TNFAIP1: variants seen among roughly 807,000 people sequenced by gnomAD.
TNFAIP1 encodes TNF alpha induced protein 1, also known as BTB/POZ domain-containing adapter for CUL3-mediated RhoA degradation protein 2.
Under a neutral mutation model 32.6 loss-of-function variants are expected in TNFAIP1, and 20 were observed. That is an observed-to-expected ratio of 0.61 (90% CI 0.43 to 0.89). TNFAIP1 has a LOEUF of 0.89. Ranked by LOEUF, TNFAIP1 falls within the 40% of genes least tolerant of loss-of-function variation. TNFAIP1 has a pLI of 0.00. For missense variants in TNFAIP1, 319 were observed against 425.1 expected (o/e 0.75, Z 2.20); for synonymous variants, 166 against 166.8 (o/e 1.00, Z 0.04).
Position 28,339,447 on chromosome 17 carries a change from C to T in TNFAIP1, c.-75C>T. 7.0e-7 allele frequency: 1 copy of T among 1,438,070 alleles called. No homozygotes were observed. The highest frequency in any genetic ancestry group is 1.4e-5 in the South Asian group (1 of 72,252). The allele number at this position is 1,438,070 out of a possible 1,614,324, so 89.1% of individuals were successfully genotyped here. A position where few individuals can be genotyped will look rare whatever the true frequency, so the allele number is the denominator to read the frequency against. On this transcript the variant is annotated 5_prime_UTR_variant, in exon 2 of 7. Transcript: ENST00000226225. Reference sequence around the variant, plus strand: ...GGCTCTGGCCTCCACTGGCCACTCACTCGTGACCCTTTCCACCACGGCGGA... The same window carrying T: ...GGCTCTGGCCTCCACTGGCCACTCATTCGTGACCCTTTCCACCACGGCGGA...
At chr17:28,341,542 T>G in intron 5 of TNFAIP1, 86 bp downstream of exon 5, 1 of 1,486,706 alleles carries the variant, frequency 6.7e-7, no homozygotes, top group Non-Finnish European at 9.3e-7. Context: ...GGCGTGGGTC[T>G]GGGCCTGGGT....
intron 3 of TNFAIP1, among the ~76,000 whole-genome samples, 186 bp from the exon 4 acceptor site, chr17:28,341,051 T>G (rs1907345207): frequency 1.3e-5 from 2 of 152,126 alleles, no homozygotes. Context: ...GGCCTGGATC[T>G]TGGGTTTTCT....
At chr17:28,343,673 C>A (rs1597795486) in intron 6 of TNFAIP1, among the ~76,000 whole-genome samples, 2 of 151,942 alleles carry the variant, frequency 1.3e-5, no homozygotes, top group East Asian at 3.9e-4. Context: ...TGTTGTCTTT[C>A]ATGAACTCGT....
chr17:28,341,816 C>T (rs1907372062), intron 5 of TNFAIP1, among the ~76,000 whole-genome samples: 1 of 152,200 alleles, frequency 6.6e-6, no homozygotes, highest in Admixed American at 6.5e-5. Flanking sequence ...TCCCTCCCCA[C>T]ACCCTCCAGG....
intron 1 of TNFAIP1, chr17:28,336,454 G>T (rs1907161635): frequency 6.6e-6 from 1 of 152,200 alleles, no homozygotes; most frequent in African/African-American, 2.4e-5. Flanking sequence ...GTCATCCAGG[G>T]GCTCAAAGCA....
intron 6 of TNFAIP1, among the ~76,000 whole-genome samples, chr17:28,343,523 G>A (rs1282051932): frequency 6.6e-6 from 1 of 150,402 alleles, no homozygotes; most frequent in Non-Finnish European, 1.5e-5. Context: ...GCTTCCTTCT[G>A]CGGTTTTTGG....
chr17:28,340,162 C>T lies in TNFAIP1; in HGVS notation c.206-147C>T. ...GCCATGGGCCTGAGTGCTAGAACCT[C>T]CATCCCCGCCTCTGTCACCCTGCGT... On this transcript the variant is annotated intron_variant, in intron 2 of 6. Coordinates refer to ENST00000226225, the MANE Select transcript of TNFAIP1 (RefSeq NM_021137.5). The surrounding 1 kb of genome is among the most constrained non-coding windows in gnomAD (Gnocchi z 4.1). 1.3e-6 allele frequency: 1 copy of T among 785,940 alleles called. No homozygotes were observed. The highest frequency in any genetic ancestry group is 2.1e-6 in the Non-Finnish European group (1 of 486,432). 48.7% of individuals were successfully genotyped at this position (785,940 alleles called of 1,614,324 possible). A position where few individuals can be genotyped will look rare whatever the true frequency, so the allele number is the denominator to read the frequency against.
At chr17:28,337,542 T>C (rs959098883) in intron 1 of TNFAIP1, among the ~76,000 whole-genome samples, 1 of 152,148 alleles carries the variant, frequency 6.6e-6, no homozygotes, top group Non-Finnish European at 1.5e-5. Flanking sequence ...CTAATTTTTT[T>C]TTATTTGTAG....
intron 1 of TNFAIP1, chr17:28,336,422 G>A (rs1555577448): frequency 6.6e-6 from 1 of 152,236 alleles, no homozygotes; most frequent in African/African-American, 2.4e-5. Flanking sequence ...GAACCCATTG[G>A]TCTGGGCGGA....
chr17:28,344,363 G>C lies in TNFAIP1; in HGVS notation c.715-1G>C, dbSNP rs533746694. 7.4e-6 allele frequency: 12 copies of C among 1,612,562 alleles called. No homozygotes were observed. The highest frequency in any genetic ancestry group is 1.0e-5 in the Non-Finnish European group (12 of 1,179,250). ...TCCACCTTCTTCCTCCCTAACCCCA[G>C]GTGGAATTCCCAGAGGCCCGAATCT... On this transcript the variant is annotated splice_acceptor_variant, in intron 6 of 6. Transcript: ENST00000226225. LOFTEE classifies it high-confidence loss of function.
chr17:28,336,109 A>G (rs1555577387), intron 1 of TNFAIP1, among the ~76,000 whole-genome samples: 1 of 151,966 alleles, frequency 6.6e-6, no homozygotes, highest in East Asian at 1.9e-4. Flanking sequence ...CTTTACACCT[A>G]GGGTTTCTGC....
chr17:28,339,693 A>G lies in TNFAIP1; in HGVS notation c.172A>G (p.Ser58Gly). The change falls in exon 2 of 7, where the codon AGT becomes GGT. Residue 58 changes from serine (S) to glycine (G), a missense_variant. By Grantham distance (56) the Ser-to-Gly change is moderately conservative. Transcript: ENST00000226225. Reference sequence around the variant, plus strand: ...CGACACCATGCTCAAGGCCATGTTCAGTGGGCGCATGGAGGTGCTGACCGA... The same window carrying G: ...CGACACCATGCTCAAGGCCATGTTCGGTGGGCGCATGGAGGTGCTGACCGA... ...RHDTMLKAMF[S>G]GRMEVLTDKE... 6.2e-7 allele frequency: 1 copy of G among 1,614,016 alleles called. No homozygotes were observed. Among genetic ancestry groups the G allele is most frequent in the Non-Finnish European group, 8.5e-7 (1 of 1,179,982 alleles).
intron 1 of TNFAIP1, among the ~76,000 whole-genome samples, chr17:28,338,655 G>A: frequency 6.6e-6 from 1 of 152,014 alleles, no homozygotes; most frequent in East Asian, 1.9e-4. Context: ...TAGAAAGGAA[G>A]TGCATCCTGT....
chr17:28,345,152 C>G lies in TNFAIP1; in HGVS notation c.*552C>G, dbSNP rs1327850653. 1 of 159,702 alleles carries G rather than the reference C, an allele frequency of 6.3e-6. No individual in the cohort carries two copies. The highest frequency in any genetic ancestry group is 1.4e-5 in the Non-Finnish European group (1 of 71,638). The allele number at this position is 159,702 out of a possible 1,614,324, so 9.9% of individuals were successfully genotyped here. ...CCCTACATATGACAGAACCCTTGGCCCTTCTCCATGCCTGTGGGATCTGTT... is the reference window on the plus strand; with the variant it reads ...CCCTACATATGACAGAACCCTTGGCGCTTCTCCATGCCTGTGGGATCTGTT... On this transcript the variant is annotated 3_prime_UTR_variant, in exon 7 of 7. Transcript: ENST00000226225.
Position 28,344,659 on chromosome 17 carries a change from C to T in TNFAIP1, c.*59C>T. ...CTATCTCCCATCCTGTGGAACCCGC[C>T]CCATTGGCCACCCCATGCTGCTGCT... is the stretch of plus-strand genomic sequence containing the variant. On this transcript the variant is annotated 3_prime_UTR_variant, in exon 7 of 7. Transcript: ENST00000226225. 6.5e-7 allele frequency: 1 copy of T among 1,542,506 alleles called. No individual in the cohort carries two copies. Among genetic ancestry groups the T allele is most frequent in the South Asian group, 1.1e-5 (1 of 89,180 alleles).
chr17:28,339,671 C>A lies in TNFAIP1; in HGVS notation c.150C>A (p.Asp50Glu). ...YTTVRALTRH[D>E]TMLKAMFSGR... ...CTGTGCGGGCCCTGACCCGCCACGACACCATGCTCAAGGCCATGTTCAGTG... is the reference window on the plus strand; with the variant it reads ...CTGTGCGGGCCCTGACCCGCCACGAAACCATGCTCAAGGCCATGTTCAGTG... Residue 50 changes from aspartate (D) to glutamate (E), a missense_variant, in exon 2 of 7, where the codon GAC becomes GAA. Coordinates refer to ENST00000226225, the MANE Select transcript of TNFAIP1 (RefSeq NM_021137.5). The A allele has an allele frequency of 6.2e-7, 1 of 1,614,126 alleles. No homozygotes were observed. Among genetic ancestry groups the A allele is most frequent in the South Asian group, 1.1e-5 (1 of 91,088 alleles).
chr17:28,339,459 T>C lies in TNFAIP1; in HGVS notation c.-63T>C. ...CACTGGCCACTCACTCGTGACCCTT[T>C]CCACCACGGCGGAGCCTTCCAAGCC... On this transcript the variant is annotated 5_prime_UTR_variant, in exon 2 of 7. Transcript: ENST00000226225. 15 of 1,487,216 alleles carry C rather than the reference T, an allele frequency of 1.0e-5. No homozygotes were observed. Among genetic ancestry groups the C allele is most frequent in the Non-Finnish European group, 1.3e-5 (14 of 1,114,642 alleles). The allele number at this position is 1,487,216 out of a possible 1,614,324, so 92.1% of individuals were successfully genotyped here. A position where few individuals can be genotyped will look rare whatever the true frequency, so the allele number is the denominator to read the frequency against.
rs1326015457 is a variant in TNFAIP1 at position 28,345,661 on chromosome 17, C to A, written c.*1061C>A. The A allele has an allele frequency of 6.6e-6, 1 of 152,312 alleles. No individual in the cohort carries two copies. The highest frequency in any genetic ancestry group is 1.5e-5 in the Non-Finnish European group (1 of 68,078). The allele number at this position is 152,312 out of a possible 1,614,324, so 9.4% of individuals were successfully genotyped here. On this transcript the variant is annotated 3_prime_UTR_variant, in exon 7 of 7. Transcript: ENST00000226225. Reference sequence around the variant, plus strand: ...TGAGGACAGCAAACTCCCAGCAGCCCCTACAGAGGTGGCACATGCTTGGCC... The same window carrying A: ...TGAGGACAGCAAACTCCCAGCAGCCACTACAGAGGTGGCACATGCTTGGCC...
rs1555578268 is a variant in TNFAIP1 at position 28,342,286 on chromosome 17, T to C, written c.558T>C (p.Phe186=). 1.3e-6 allele frequency: 2 copies of C among 1,590,302 alleles called. No homozygotes were observed. Among genetic ancestry groups the C allele is most frequent in the East Asian group, 2.3e-5 (1 of 44,152 alleles). Residue 186 remains phenylalanine, a synonymous_variant, in exon 6 of 7, where the codon TTT becomes TTC. Coordinates refer to ENST00000226225, the MANE Select transcript of TNFAIP1 (RefSeq NM_021137.5). This position sits in a 1 kb window ranked among gnomAD's most constrained non-coding sequence, Gnocchi z 4.0. ...DDHLLKNIEL[F]DKLSLRFNGR... ...ACCTGCTGAAAAACATCGAGCTGTT[T>C]GACAAGCTCTCCCTGCGCTTCAACG...
Sources: gnomAD v4.1 joint callset for allele counts (sites outside exome capture counted in the v4.1 genomes callset) on GRCh38, gnomAD v4.1.1 for gene constraint, Gnocchi (gnomAD v3.1) non-coding constraint, MANE v1.5 for transcripts, NCBI Gene and HGNC (gene_info 2026-07-23, HGNC 2026-07-21) for gene names.